Variants in ZEB1 observed in about 807,000 individuals in gnomAD.
The protein encoded by ZEB1 is zinc finger E-box binding homeobox 1.
A neutral mutation model predicts 84.9 loss-of-function variants in ZEB1; 21 were observed. The ratio of observed to expected loss-of-function variants is 0.25; its 90% CI spans 0.18 to 0.36. The LOEUF is 0.36. Among genes scored for constraint, ZEB1 ranks in the 10% least tolerant of loss-of-function variants. ZEB1 has a pLI of 1.00. For missense variants in ZEB1, 1,104 were observed against 1,330.2 expected (o/e 0.83, Z 2.65); for synonymous variants, 420 against 471.1 (o/e 0.89, Z 1.41).
intron 1 of ZEB1, among the ~76,000 whole-genome samples, chr10:31,337,102 C>T (rs117011396): frequency 6.6e-6 from 1 of 151,998 alleles, no homozygotes; most frequent in Non-Finnish European, 1.5e-5. Flanking sequence ...GAATGCAACA[C>T]AATACTGAAA....
intron 2 of ZEB1, among the ~76,000 whole-genome samples, chr10:31,476,116 A>T (rs1010578515): frequency 1.3e-5 from 2 of 152,042 alleles, no homozygotes; most frequent in African/African-American, 4.8e-5. Context: ...CAAAGAGCAG[A>T]ACCAAATGAG....
Position 31,464,182 on chromosome 10 carries a change from A to G in ZEB1, c.259+2945A>G, listed in dbSNP as rs904800548. 3.9e-5 allele frequency among the ~76,000 whole-genome samples: 6 copies of G among 152,128 alleles called. No individual in the cohort carries two copies. In the East Asian group the frequency reaches 1.2e-3, roughly 29 times the overall value. On this transcript the variant is annotated intron_variant, in intron 2 of 8. Coordinates refer to ENST00000424869, the MANE Select transcript of ZEB1 (RefSeq NM_001174096.2). ...TGGAAGATAGAGAAAAATTACACTA[A>G]ATGGAACTCAGAGAGACACATAGAA...
chr10:31,489,273 C>A (rs1484283360), intron 2 of ZEB1, among the ~76,000 whole-genome samples: 2 of 151,288 alleles, frequency 1.3e-5, no homozygotes, highest in African/African-American at 4.8e-5. Flanking sequence ...TCTGATATTA[C>A]TATAATCACG....
At chr10:31,371,028 G>A (rs1194766775) in intron 1 of ZEB1, among the ~76,000 whole-genome samples, 1 of 152,100 alleles carries the variant, frequency 6.6e-6, no homozygotes, top group East Asian at 1.9e-4. Context: ...CAAATTGTAA[G>A]ACTCTTATAA....
At chr10:31,512,553 T>G (rs1041976382) in intron 5 of ZEB1, among the ~76,000 whole-genome samples, 1 of 152,170 alleles carries the variant, frequency 6.6e-6, no homozygotes, top group African/African-American at 2.4e-5. Flanking sequence ...AGAATCATAC[T>G]GTGACTAACA....
At chr10:31,373,659 A>G (rs1002585808) in intron 1 of ZEB1, among the ~76,000 whole-genome samples, 10 of 151,874 alleles carry the variant, frequency 6.6e-5, no homozygotes, top group Non-Finnish European at 1.2e-4. Context: ...TCATATGACA[A>G]AATCCATTTA....
intron 1 of ZEB1, among the ~76,000 whole-genome samples, chr10:31,420,679 A>T (rs1207126940): frequency 6.6e-6 from 1 of 152,134 alleles, no homozygotes; most frequent in Admixed American, 6.5e-5. Flanking sequence ...CAACAGTAAT[A>T]TTCCATCATA....
At chr10:31,494,356 T>C (rs1033657132) in intron 2 of ZEB1, among the ~76,000 whole-genome samples, 2 of 152,026 alleles carry the variant, frequency 1.3e-5, no homozygotes, top group African/African-American at 2.4e-5. Context: ...TTTTTTACAT[T>C]GATCTAAAGA....
At chr10:31,486,167 A>G (rs533811642) in intron 2 of ZEB1, among the ~76,000 whole-genome samples, 15 of 151,846 alleles carry the variant, frequency 9.9e-5, no homozygotes, top group African/African-American at 3.6e-4. Flanking sequence ...ATTTACGGAG[A>G]TTATGAGTAA....
At chr10:31,429,656 T>C (rs2057432023) in intron 1 of ZEB1, among the ~76,000 whole-genome samples, 1 of 146,204 alleles carries the variant, frequency 6.8e-6, no homozygotes, top group African/African-American at 2.5e-5. Flanking sequence ...GTAACAAACC[T>C]GCACTTGTAC....
intron 6 of ZEB1, 36 bp downstream of exon 6, chr10:31,514,744 A>G (rs752853536): frequency 8.2e-6 from 12 of 1,454,874 alleles, no homozygotes; most frequent in African/African-American, 5.6e-5. Context: ...CCTGAATATC[A>G]TAGCATATGT....
intron 1 of ZEB1, among the ~76,000 whole-genome samples, chr10:31,343,051 C>T (rs1292954687): frequency 1.3e-5 from 2 of 152,134 alleles, no homozygotes; most frequent in Non-Finnish European, 2.9e-5. Flanking sequence ...AATGCACTTG[C>T]TCTTCTAAAT....
chr10:31,321,643 A>C, intron 1 of ZEB1: 1 of 1,493,336 alleles, frequency 6.7e-7, no homozygotes, highest in Admixed American at 1.7e-5. Context: ...TGTGAGTCTG[A>C]ACCACCCAGC....
intron 1 of ZEB1, among the ~76,000 whole-genome samples, chr10:31,396,060 A>G (rs2050664398): frequency 6.6e-6 from 1 of 152,196 alleles, no homozygotes; most frequent in South Asian, 2.1e-4. Context: ...TAAATGCTCA[A>G]TTTCATTTCA....
rs188140165 is a variant in ZEB1, at chr10:31,417,549, G to A, written c.59-43488G>A. Among the ~76,000 whole-genome samples the A allele has an allele frequency of 6.1e-3, 925 of 152,094 alleles. 6 individuals are homozygous for A. Among genetic ancestry groups the A allele is most frequent in the Non-Finnish European group, 9.5e-3 (647 of 67,970 alleles). On this transcript the variant is annotated intron_variant, in intron 1 of 8. Transcript: ENST00000424869. Reference sequence around the variant, plus strand: ...AGTTCACACCATAAGAAAATATATTGTAATGTATTTAGTGCTTCTTCGGTG... The same window carrying A: ...AGTTCACACCATAAGAAAATATATTATAATGTATTTAGTGCTTCTTCGGTG...
chr10:31,510,927 C>A, intron 5 of ZEB1, 52 bp downstream of exon 5: 4 of 1,538,608 alleles, frequency 2.6e-6, no homozygotes, highest in South Asian at 2.2e-5. Flanking sequence ...GACAACTCAG[C>A]CCTCAATGGA....
intron 1 of ZEB1, among the ~76,000 whole-genome samples, chr10:31,433,186 A>C (rs1260885935): frequency 6.6e-6 from 1 of 152,234 alleles, no homozygotes; most frequent in Non-Finnish European, 1.5e-5. Context: ...AACATCATGC[A>C]TTAGTTATTT....
At chr10:31,326,448 T>TG (rs1321437619) in intron 1 of ZEB1, among the ~76,000 whole-genome samples, 1 of 152,162 alleles carries the variant, frequency 6.6e-6, no homozygotes, top group Non-Finnish European at 1.5e-5. Flanking sequence ...AAGGAGGAAT[T>TG]GGAGTAGACA....
rs746356171 is a variant in ZEB1 at position 31,520,295 on chromosome 10, A to G, written c.963A>G (p.Pro321=). ...CTTCACCGTCTCTTTCAGCATCACC[A>G]GGCAGTCCCACACGACCACAGATAC... The part of the protein sequence containing the change: ...QCSSPSLSAS[P]GSPTRPQIRQ... The change falls in exon 7 of 9, where the codon CCA becomes CCG. Residue 321 remains proline (P), a synonymous_variant. Coordinates refer to ENST00000424869, the MANE Select transcript of ZEB1 (RefSeq NM_001174096.2). This position sits in a 1 kb window ranked among gnomAD's most constrained non-coding sequence, Gnocchi z 5.1. 1.9e-6 allele frequency: 3 copies of G among 1,613,982 alleles called. No individual in the cohort carries two copies. The highest frequency in any genetic ancestry group is 2.5e-6 in the Non-Finnish European group (3 of 1,179,928).
Sources: allele counts gnomAD v4.1 joint callset (sites outside exome capture counted in the v4.1 genomes callset), GRCh38; gene constraint gnomAD v4.1.1; non-coding constraint Gnocchi (gnomAD v3.1); transcripts MANE v1.5; gene names NCBI Gene and HGNC (gene_info 2026-07-23, HGNC 2026-07-21).